CHD1: variants seen among roughly 807,000 people sequenced by gnomAD.
The protein encoded by CHD1 is chromodomain helicase DNA binding protein 1.
CHD1 carries 36 observed loss-of-function variants against 224.2 expected under a neutral mutation model. That is an observed-to-expected ratio of 0.16 (90% CI 0.12 to 0.21). CHD1 has a LOEUF of 0.21. Ranked by LOEUF, CHD1 falls within the 10% of genes least tolerant of loss-of-function variation. The pLI is 1.00. For synonymous variants in CHD1, 668 were observed against 658.3 expected, an observed-to-expected ratio of 1.01 and a Z score of -0.23; for missense variants, 1,378 against 1,994.8, an observed-to-expected ratio of 0.69 and a Z score of 5.89.
intron 2 of CHD1, among the ~76,000 whole-genome samples, chr5:98,924,584 A>G (rs140350989): frequency 2.5e-3 from 377 of 152,356 alleles, no homozygotes; most frequent in African/African-American, 8.9e-3. Context: ...GCTGCTTTCC[A>G]TAACTGTTCC....
rs1440109408 is a variant in CHD1 at position 98,897,235 on chromosome 5, T to C, written c.1451A>G (p.Tyr484Cys). ...GGHEGLELRD[Y>C]QLNGLNWLAH... ...AAGCCAATTTAAACCATTCAGTTGA[T>C]AATCTCTTAATTCTAAGCCCTCATG... Residue 484 changes from tyrosine to cysteine, a missense_variant, in exon 11 of 36, where the codon TAT becomes TGT. This residue lies in a region of CHD1 where 86 missense variants were observed against 97.7 expected (regional missense o/e 0.88). Transcript: ENST00000614616. 1.2e-6 allele frequency: 2 copies of C among 1,612,780 alleles called. No individual in the cohort carries two copies. The highest frequency in any genetic ancestry group is 1.7e-5 in the Admixed American group (1 of 59,932).
At chr5:98,868,740 G>C (rs1445753738) in intron 30 of CHD1, 105 bp from the exon 31 acceptor site, 1 of 1,109,312 alleles carries the variant, frequency 9.0e-7, no homozygotes, top group East Asian at 2.6e-5. Context: ...TATTCTACAA[G>C]TGCTCATTCT....
rs778119193 is a variant in CHD1, at chr5:98,881,185, GAC to G, written c.2965-16_2965-15del. The G allele has an allele frequency of 6.6e-7, 1 of 1,522,422 alleles. No individual in the cohort carries two copies. Among genetic ancestry groups the G allele is most frequent in the African/African-American group, 1.4e-5 (1 of 70,290 alleles). The allele number at this position is 1,522,422 out of a possible 1,614,324, so 94.3% of individuals were successfully genotyped here. Reference sequence around the variant, plus strand: ...TATATCCATTTCCTATAATTAAAAAGACAATATTTAAATATACTTGAATCCTT... The same window carrying G: ...TATATCCATTTCCTATAATTAAAAAGAATATTTAAATATACTTGAATCCTT... On this transcript the variant is annotated splice_polypyrimidine_tract_variant and intron_variant, in intron 21 of 35. Transcript: ENST00000614616.
At chr5:98,908,190 G>A (rs974401921) in intron 2 of CHD1, among the ~76,000 whole-genome samples, 2 of 152,056 alleles carry the variant, frequency 1.3e-5, no homozygotes, top group Non-Finnish European at 2.9e-5. Context: ...CAAGCTACAT[G>A]TAATTCTCTA....
chr5:98,926,069 T>C (rs984870090), intron 2 of CHD1, among the ~76,000 whole-genome samples: 5 of 152,092 alleles, frequency 3.3e-5, no homozygotes, highest in East Asian at 3.8e-4. Context: ...TTAGCTCAAA[T>C]ATAAACTTCC....
rs949065157 is a variant in CHD1 at position 98,854,917 on chromosome 5, A to G, written c.*1463T>C. 1 of 152,184 alleles carries G rather than the reference A, an allele frequency of 6.6e-6. No homozygotes were observed. Among genetic ancestry groups the G allele is most frequent in the African/African-American group, 2.4e-5 (1 of 41,458 alleles). 9.4% of individuals were successfully genotyped at this position (152,184 alleles called of 1,614,324 possible). ...AAAAACTTCCCGCTGAATATAAAAC[A>G]AAATAAAAATCTGTGAATAAATATA... On this transcript the variant is annotated 3_prime_UTR_variant, in exon 36 of 36. Transcript: ENST00000614616.
rs1370535599 is a variant in CHD1, at chr5:98,869,618, GCGCGCACA to G, written c.4107+128_4107+135del. ...GAACTATAAGTGCGTGCGCACGTGC[GCGCGCACA>G]CACACACACACACACACACACACAC... On this transcript the variant is annotated intron_variant, in intron 30 of 35. Transcript: ENST00000614616. 1.7e-4 allele frequency: 132 copies of G among 796,022 alleles called. 1 individual carries two copies. The African/African-American group carries it at 3.6e-3, about 22-fold the overall frequency. The allele number at this position is 796,022 out of a possible 1,614,324, so 49.3% of individuals were successfully genotyped here.
In CHD1 at chr5:98,855,887, G is replaced by A. The variant is rs1210684543; in HGVS notation, c.*493C>T. 1 of 151,900 alleles carries A rather than the reference G, an allele frequency of 6.6e-6. No homozygotes were observed. Among genetic ancestry groups the A allele is most frequent in the Non-Finnish European group, 1.5e-5 (1 of 68,088 alleles). The allele number at this position is 151,900 out of a possible 1,614,324, so 9.4% of individuals were successfully genotyped here. On this transcript the variant is annotated 3_prime_UTR_variant, in exon 36 of 36. Coordinates refer to ENST00000614616, the MANE Select transcript of CHD1 (RefSeq NM_001270.4). ...AATATTCAAGCTTGTGATGAAAAGC[G>A]GCAAGGTGGTCGCAGTGTACAATGT... is the stretch of plus-strand genomic sequence containing the variant.
intron 17 of CHD1, among the ~76,000 whole-genome samples, chr5:98,887,561 G>A (rs1430299663): frequency 3.3e-5 from 5 of 152,100 alleles, no homozygotes; most frequent in Admixed American, 3.3e-4. Flanking sequence ...ATCAATATTA[G>A]CTTTAGTTAT....
intron 28 of CHD1, among the ~76,000 whole-genome samples, chr5:98,871,369 C>CAAAAAAAAAA (rs61406690): frequency 2.1e-5 from 1 of 46,780 alleles, no homozygotes; most frequent in African/African-American, 1.1e-4. Context: ...CCATTTTAGG[C>CAAAAAAAAAA]AAAAAAAAAA....
intron 3 of CHD1, among the ~76,000 whole-genome samples, chr5:98,904,569 G>GGTTAACAAGTA (rs1751929367): frequency 6.6e-6 from 1 of 152,148 alleles, no homozygotes; most frequent in African/African-American, 2.4e-5. Flanking sequence ...AACACGGTAA[G>GGTTAACAAGTA]GTTAACAAGT....
intron 27 of CHD1, 78 bp downstream of exon 27, chr5:98,872,339 C>A: frequency 1.4e-6 from 2 of 1,473,562 alleles, no homozygotes; most frequent in Non-Finnish European, 9.3e-7. Context: ...TAGCCAATAA[C>A]ACCATAAAAA....
At chr5:98,863,669 CATGAGT>C in intron 31 of CHD1, 83 bp from the exon 32 acceptor site, 1 of 884,684 alleles carries the variant, frequency 1.1e-6, no homozygotes, top group East Asian at 2.6e-5. Context: ...ATGATATTTA[CATGAGT>C]ATAATATTAT....
intron 28 of CHD1, among the ~76,000 whole-genome samples, chr5:98,871,206 TAGA>T (rs1167813526): frequency 1.3e-5 from 2 of 151,862 alleles, no homozygotes; most frequent in East Asian, 1.9e-4. Context: ...GTCATCCTTC[TAGA>T]AGAAGACCTA....
At chr5:98,915,343 G>C (rs1752670330) in intron 2 of CHD1, among the ~76,000 whole-genome samples, 2 of 152,090 alleles carry the variant, frequency 1.3e-5, no homozygotes, top group African/African-American at 2.4e-5. Context: ...AGTACAATAT[G>C]ATTCTATCTC....
At chr5:98,884,998 C>G (rs1025675152) in intron 18 of CHD1, among the ~76,000 whole-genome samples, 15 of 152,060 alleles carry the variant, frequency 9.9e-5, no homozygotes, top group Non-Finnish European at 8.8e-5. Flanking sequence ...TCCCAAAGTG[C>G]TGGGATTACA....
Position 98,901,005 on chromosome 5 carries a change from T to C in CHD1, c.665A>G (p.Glu222Gly), listed in dbSNP as rs1026422626. 1 of 1,613,780 alleles carries C rather than the reference T, an allele frequency of 6.2e-7. No homozygotes were observed. The highest frequency in any genetic ancestry group is 1.3e-5 in the African/African-American group (1 of 75,004). Residue 222 changes from glutamate (E) to glycine (G), a missense_variant, in exon 7 of 36, where the codon GAA (glutamate) becomes GGA (glycine). Glu to Gly is a moderately conservative substitution (Grantham distance 98). Coordinates refer to ENST00000614616, the MANE Select transcript of CHD1 (RefSeq NM_001270.4). The part of the protein sequence containing the change: ...QIDSSEEDDD[E>G]EDYDNDKRSS... ...TCTTTTATCATTATCATAATCTTCT[T>C]CATCATCATCCTCCTCAGATGAATC...
chr5:98,858,773 A>G (rs991842754), intron 34 of CHD1, 191 bp downstream of exon 34: 2 of 451,030 alleles, frequency 4.4e-6, no homozygotes, highest in African/African-American at 4.1e-5. Context: ...AACTAAAATG[A>G]ACTACAGTTT....
chr5:98,904,238 G>A lies in CHD1; in HGVS notation c.256-330C>T, dbSNP rs367934684. On this transcript the variant is annotated intron_variant, in intron 3 of 35. Transcript: ENST00000614616. Reference sequence around the variant, plus strand: ...GTGAAGAGGCTGAGTCAGAATATACGTCAACGATGTCACTAGGCACATTGT... The same window carrying A: ...GTGAAGAGGCTGAGTCAGAATATACATCAACGATGTCACTAGGCACATTGT... Among the ~76,000 whole-genome samples, 20 of 152,218 alleles carry A rather than the reference G, an allele frequency of 1.3e-4. No homozygotes were observed. In the East Asian group the frequency reaches 3.5e-3, roughly 26 times the overall value.
Sources: allele counts gnomAD v4.1 joint callset (sites outside exome capture counted in the v4.1 genomes callset), GRCh38; gene constraint gnomAD v4.1.1; regional missense constraint gnomAD v4.1.1; transcripts MANE v1.5; gene names NCBI Gene and HGNC (gene_info 2026-07-23, HGNC 2026-07-21).